The following FAT2 variants were observed in gnomAD, a reference collection of about 807,000 sequenced individuals.
FAT2 encodes FAT atypical cadherin 2.
In FAT2, 150 loss-of-function variants were observed where a neutral mutation model predicts 295.3. That is an observed-to-expected ratio of 0.51 (90% CI 0.44 to 0.58). The LOEUF is 0.58. Ranked by LOEUF, FAT2 falls within the 20% of genes least tolerant of loss-of-function variation. FAT2 has a pLI of 0.00. For missense variants in FAT2, 4,868 were observed against 5,442.7 expected (o/e 0.89, Z 3.32); for synonymous variants, 2,026 against 2,150.3 (o/e 0.94, Z 1.60).
intron 1 of FAT2, among the ~76,000 whole-genome samples, 76 bp downstream of exon 1, chr5:151,591,089 C>T (rs528828909): frequency 6.6e-6 from 1 of 152,334 alleles, no homozygotes; most frequent in African/African-American, 2.4e-5. Flanking sequence ...CTCCAGCCTG[C>T]TTTGGAACCA....
In FAT2 at chr5:151,531,534, C is replaced by G. The variant is rs1215663349; in HGVS notation, c.9811+53G>C. On this transcript the variant is annotated intron_variant, in intron 14 of 23. Transcript: ENST00000261800. The surrounding 1 kb of genome is among the most constrained non-coding windows in gnomAD (Gnocchi z 5.7). ...ACCCACACAGGGGAGGAACCCAGCG[C>G]TCCCAGAAACCCTGTACGCGATGCT... The G allele has an allele frequency of 3.1e-6, 5 of 1,602,330 alleles. No individual in the cohort carries two copies. The highest frequency in any genetic ancestry group is 3.4e-6 in the Non-Finnish European group (4 of 1,174,318).
Position 151,521,764 on chromosome 5 carries a change from G to A in FAT2, c.10829C>T (p.Thr3610Ile). The A allele has an allele frequency of 1.2e-6, 2 of 1,614,130 alleles. No individual in the cohort carries two copies. Among genetic ancestry groups the A allele is most frequent in the Non-Finnish European group, 1.7e-6 (2 of 1,180,038 alleles). ...GTACACATGGACCCCAGCAGTCGTG[G>A]TGAAGGTCCCATCGCTGACCGTGAC... is the stretch of plus-strand genomic sequence containing the variant. ...FNVTVSDGTF[T>I]TTAGVHVYVW... Residue 3610 changes from threonine to isoleucine, a missense_variant, in exon 19 of 24, where the codon ACC (threonine) becomes ATC (isoleucine). Physicochemically the swap from Thr to Ile is moderately conservative, Grantham distance 89 (BLOSUM62 -1). Around this residue, in one of 5 missense-constraint regions of FAT2, gnomAD observed 1,046 missense variants for 1,210.1 expected, o/e 0.86. Coordinates refer to ENST00000261800, the MANE Select transcript of FAT2 (RefSeq NM_001447.3).
chr5:151,585,992 G>A (rs986122512), intron 1 of FAT2, among the ~76,000 whole-genome samples: 1 of 152,182 alleles, frequency 6.6e-6, no homozygotes, highest in Non-Finnish European at 1.5e-5. Context: ...GGCCAGGACT[G>A]GAACTCAAGC....
chr5:151,538,630 G>A (rs1229891857), intron 11 of FAT2, among the ~76,000 whole-genome samples: 1 of 152,182 alleles, frequency 6.6e-6, no homozygotes, highest in Non-Finnish European at 1.5e-5. Flanking sequence ...TGTTGAGTGT[G>A]GGCAAGCATG....
chr5:151,565,446 G>A (rs1352153300), intron 2 of FAT2, among the ~76,000 whole-genome samples: 3 of 151,844 alleles, frequency 2.0e-5, no homozygotes, highest in African/African-American at 7.3e-5. Flanking sequence ...AACAGAATAT[G>A]TAATATATGT....
At position 151,543,702 on chromosome 5, in the gene FAT2, G is replaced by T. The variant is rs772037789; in HGVS notation, c.7425C>A (p.Asn2475Lys). The T allele has an allele frequency of 1.2e-5, 19 of 1,614,034 alleles. No homozygotes were observed. The highest frequency in any genetic ancestry group is 1.5e-5 in the Non-Finnish European group (18 of 1,180,020). Reference sequence around the variant, plus strand: ...GCTGCTGGAACTCTGGGCTGTACTTGTTGGCATTTGTAGTGTTGATGTACA... The same window carrying T: ...GCTGCTGGAACTCTGGGCTGTACTTTTTGGCATTTGTAGTGTTGATGTACA... ...VPVYINTTNANKYSPEFQQHL... is the reference protein window; with the variant it reads ...VPVYINTTNAKKYSPEFQQHL... Residue 2475 changes from asparagine (N) to lysine (K), a missense_variant, in exon 10 of 24, where the codon AAC (asparagine) becomes AAA (lysine). By Grantham distance (94) the Asn-to-Lys change is moderately conservative. Transcript: ENST00000261800.
chr5:151,511,035 C>T (rs1761280341), intron 21 of FAT2: 2 of 152,428 alleles, frequency 1.3e-5, no homozygotes, highest in South Asian at 4.1e-4. Flanking sequence ...ATGCACAGGT[C>T]TGTGCTGGAT....
Position 151,544,887 on chromosome 5 carries a change from T to C in FAT2, c.6240A>G (p.Gln2080=), listed in dbSNP as rs1232508483. 1 of 1,614,164 alleles carries C rather than the reference T, an allele frequency of 6.2e-7. No individual in the cohort carries two copies. Among genetic ancestry groups the C allele is most frequent in the Non-Finnish European group, 8.5e-7 (1 of 1,180,024 alleles). ...GGACATCCCCTGGCTCTGTGCCATCTTGGATGATTGTGTAATAGGGCAGAT... is the reference window on the plus strand; with the variant it reads ...GGACATCCCCTGGCTCTGTGCCATCCTGGATGATTGTGTAATAGGGCAGAT... ...FKHLPYYTII[Q]DGTEPGDVLF... is the part of the protein sequence containing the mutation. Residue 2080 remains glutamine (Q), a synonymous_variant, in exon 10 of 24, where the codon CAA becomes CAG. Coordinates refer to ENST00000261800, the MANE Select transcript of FAT2 (RefSeq NM_001447.3).
rs1755628636 is a variant in FAT2, at chr5:151,537,907, C to G, written c.9079G>C (p.Gly3027Arg). Reference sequence around the variant, plus strand: ...GCAGAAACCTTCAAAATGAAGTGTCCTGGAAATACATCTTCATGAACCTTG... The same window carrying G: ...GCAGAAACCTTCAAAATGAAGTGTCGTGGAAATACATCTTCATGAACCTTG... ...TGKVHEDVFP[G>R]HFILKVSATD... is the part of the protein sequence containing the mutation. Residue 3027 changes from glycine to arginine, a missense_variant, in exon 12 of 24, where the codon GGA becomes CGA. By Grantham distance (125) the Gly-to-Arg change is moderately radical. Around this residue, in one of 5 missense-constraint regions of FAT2, gnomAD observed 1,046 missense variants for 1,210.1 expected, o/e 0.86. Transcript: ENST00000261800. The G allele has an allele frequency of 6.2e-7, 1 of 1,613,944 alleles. No individual in the cohort carries two copies. The highest frequency in any genetic ancestry group is 1.3e-5 in the African/African-American group (1 of 74,882).
Position 151,533,337 on chromosome 5 carries a change from A to G in FAT2, c.9427+1072T>C, listed in dbSNP as rs148995936. 9.8e-3 allele frequency among the ~76,000 whole-genome samples: 1,480 copies of G among 151,130 alleles called. 12 individuals carry two copies. The highest frequency in any genetic ancestry group is 0.015 in the Non-Finnish European group (989 of 67,828). ...CTCTGATGTATTCCAGATCTCTCCT[A>G]TCAAACCCATTTCTGTATCTCAAGC... On this transcript the variant is annotated intron_variant, in intron 13 of 23. Transcript: ENST00000261800.
At chr5:151,589,741 A>G (rs1759324648) in intron 1 of FAT2, among the ~76,000 whole-genome samples, 1 of 151,716 alleles carries the variant, frequency 6.6e-6, no homozygotes, top group African/African-American at 2.4e-5. Context: ...ACAAAAAAAC[A>G]TTTTTTTTAA....
Position 151,529,614 on chromosome 5 carries a change from C to T in FAT2, c.9812-222G>A, listed in dbSNP as rs78281982. 6.4e-3 allele frequency among the ~76,000 whole-genome samples: 975 copies of T among 152,288 alleles called. 10 individuals carry two copies. The highest frequency in any genetic ancestry group is 0.022 in the African/African-American group (919 of 41,562). ...TATTATTCACAACAGCTATGTTTCCCTCACTTACTTCTGTAATATTTGATT... is the reference window on the plus strand; with the variant it reads ...TATTATTCACAACAGCTATGTTTCCTTCACTTACTTCTGTAATATTTGATT... On this transcript the variant is annotated intron_variant, in intron 14 of 23. Coordinates refer to ENST00000261800, the MANE Select transcript of FAT2 (RefSeq NM_001447.3).
At chr5:151,534,386 GC>G in intron 13 of FAT2, 22 bp downstream of exon 13, 1 of 1,561,422 alleles carries the variant, frequency 6.4e-7, no homozygotes, top group Non-Finnish European at 8.7e-7. Flanking sequence ...ATTGGAAATG[GC>G]CTCAATCCTT....
chr5:151,592,451 G>A (rs1393748003), upstream of FAT2, among the ~76,000 whole-genome samples: 2 of 151,970 alleles, frequency 1.3e-5, no homozygotes, highest in Non-Finnish European at 2.9e-5. Flanking sequence ...AGGTCTTGAA[G>A]CCCCTCTGCA....
chr5:151,568,268 G>A lies in FAT2; in HGVS notation c.664C>T (p.Leu222=), dbSNP rs778690411. ...TWRGKHELQV[L]AVDRMRKISE... is the part of the protein sequence containing the mutation. ...ATTTTCCGCATGCGGTCCACAGCTA[G>A]CACCTGGAGCTCATGCTTTCCTCGC... The change falls in exon 2 of 24, where the codon CTA becomes TTA. Residue 222 remains leucine, a synonymous_variant. Transcript: ENST00000261800. The A allele has an allele frequency of 6.2e-7, 1 of 1,614,214 alleles. No individual in the cohort carries two copies. The highest frequency in any genetic ancestry group is 8.5e-7 in the Non-Finnish European group (1 of 1,180,034).
intron 10 of FAT2, 55 bp downstream of exon 10, chr5:151,542,230 C>A: frequency 6.6e-7 from 1 of 1,507,988 alleles, no homozygotes; most frequent in Non-Finnish European, 8.9e-7. Flanking sequence ...GGCACCTCTT[C>A]CTGGATGTTT....
rs2304029 is a variant in FAT2 at position 151,512,211 on chromosome 5, C to G, written c.11859G>C (p.Gln3953His). The G allele has an allele frequency of 0.046, 74,557 of 1,614,158 alleles. 1,886 individuals are homozygous for G. The highest frequency in any genetic ancestry group is 0.05 in the Non-Finnish European group (58,690 of 1,180,010). The change falls in exon 21 of 24, where the codon CAG becomes CAC. Residue 3953 changes from glutamine to histidine, a missense_variant. By Grantham distance (24) the Gln-to-His change is conservative. Around this residue, in one of 5 missense-constraint regions of FAT2, gnomAD observed 24 missense variants for 53.3 expected, o/e 0.45. Coordinates refer to ENST00000261800, the MANE Select transcript of FAT2 (RefSeq NM_001447.3). This position sits in a 1 kb window ranked among gnomAD's most constrained non-coding sequence, Gnocchi z 4.1. ...ACTTCCCACCATTGAGGCATGTGTT[C>G]TGGCTGCAGTAGTCACTGTGGAGGC... ...QCCLHSDYCS[Q>H]NTCLNGGKCS...
chr5:151,527,247 C>G lies in FAT2; in HGVS notation c.10295G>C (p.Ser3432Thr). ...NPPRFFQLNY[S>T]TTVQENSPIG... ...GCTCAAGCTTACCTGGACAGTGGTG[C>G]TGTAGTTGAGCTGGAAGAATCTCGG... is the stretch of plus-strand genomic sequence containing the variant. Residue 3432 changes from serine to threonine, a missense_variant, in exon 17 of 24, where the codon AGC becomes ACC. Transcript: ENST00000261800. 1 of 1,610,454 alleles carries G rather than the reference C, an allele frequency of 6.2e-7. No homozygotes were observed.
chr5:151,567,556 T>A lies in FAT2; in HGVS notation c.1376A>T (p.Asn459Ile), dbSNP rs1363914536. The change falls in exon 2 of 24, where the codon AAC becomes ATC. Residue 459 changes from asparagine (N) to isoleucine (I), a missense_variant. Physicochemically the swap from Asn to Ile is moderately radical, Grantham distance 149. Coordinates refer to ENST00000261800, the MANE Select transcript of FAT2 (RefSeq NM_001447.3). ...VDCNNHAPLF[N>I]RSSYDGTLDE... ...CAAGGTACCATCATAGGAAGACCTG[T>A]TGAAGAGGGGGGCATGGTTGTTGCA... The A allele has an allele frequency of 6.2e-7, 1 of 1,614,178 alleles. No homozygotes were observed.
Sources: gnomAD v4.1 joint callset for allele counts (sites outside exome capture counted in the v4.1 genomes callset) on GRCh38, gnomAD v4.1.1 for gene constraint, gnomAD v4.1.1 regional missense constraint, Gnocchi (gnomAD v3.1) non-coding constraint, MANE v1.5 for transcripts, NCBI Gene and HGNC (gene_info 2026-07-23, HGNC 2026-07-21) for gene names.